Variants in LMNTD1 observed in about 807,000 individuals in gnomAD.
LMNTD1 encodes the protein lamin tail domain containing 1, also known as lamin tail domain-containing protein 1.
In LMNTD1, 35 loss-of-function variants were observed where a neutral mutation model predicts 50.9. That is an observed-to-expected ratio of 0.69 (90% CI 0.53 to 0.91). LMNTD1 has a LOEUF of 0.91. Among genes scored for constraint, LMNTD1 ranks in the 40% least tolerant of loss-of-function variants. The pLI is 0.00. For synonymous variants in LMNTD1, 153 were observed against 161.9 expected, an observed-to-expected ratio of 0.94 and a Z score of 0.42; for missense variants, 470 against 475.5, an observed-to-expected ratio of 0.99 and a Z score of 0.11.
chr12:25,491,622 G>A lies in LMNTD1; in HGVS notation c.*22+12116C>T, dbSNP rs1374203603. Among the ~76,000 whole-genome samples, 4 of 152,244 alleles carry A rather than the reference G, an allele frequency of 2.6e-5. No individual in the cohort carries two copies. In the East Asian group the frequency reaches 7.7e-4, roughly 29 times the overall value. ...AGGCAATGTGGGCTGGACACATACA[G>A]TCTTGTGTAGAAAGTAGTTTGGTGC... is the stretch of plus-strand genomic sequence containing the variant. On this transcript the variant is annotated intron_variant, in intron 9 of 9. Transcript: ENST00000458174.
At chr12:25,605,499 T>C (rs372912374) in intron 1 of LMNTD1, among the ~76,000 whole-genome samples, 5 of 152,198 alleles carry the variant, frequency 3.3e-5, no homozygotes, top group East Asian at 1.9e-4. Flanking sequence ...GTCTTTAATC[T>C]ATCTTGAATT....
At chr12:25,595,564 G>A (rs1161714970) in intron 1 of LMNTD1, among the ~76,000 whole-genome samples, 1 of 152,054 alleles carries the variant, frequency 6.6e-6, no homozygotes, top group Non-Finnish European at 1.5e-5. Context: ...CAAAATCTCT[G>A]GGATACAGCA....
intron 1 of LMNTD1, among the ~76,000 whole-genome samples, chr12:25,579,230 T>A (rs886363404): frequency 2.0e-5 from 3 of 152,174 alleles, no homozygotes; most frequent in African/African-American, 4.8e-5. Flanking sequence ...AAATATATAT[T>A]TTTTAAAATG....
intron 9 of LMNTD1, among the ~76,000 whole-genome samples, chr12:25,493,914 G>A (rs887885859): frequency 1.9e-4 from 29 of 152,212 alleles, no homozygotes; most frequent in Admixed American, 1.2e-3. Context: ...CTCACCCTTG[G>A]AACTTAGGGA....
At chr12:25,545,909 C>T (rs1326510015) in intron 4 of LMNTD1, among the ~76,000 whole-genome samples, 1 of 151,550 alleles carries the variant, frequency 6.6e-6, no homozygotes, top group Non-Finnish European at 1.5e-5. Context: ...ATGAATTGAT[C>T]ATAACTCTTT....
intron 1 of LMNTD1, among the ~76,000 whole-genome samples, chr12:25,645,610 A>G (rs936658057): frequency 3.8e-4 from 58 of 152,192 alleles, no homozygotes; most frequent in African/African-American, 1.4e-3. Flanking sequence ...CAGTGATACC[A>G]TGGTAAAATG....
chr12:25,541,083 A>T (rs1164002953), intron 4 of LMNTD1, among the ~76,000 whole-genome samples: 3 of 91,536 alleles, frequency 3.3e-5, no homozygotes, highest in African/African-American at 9.6e-5. Context: ...AAGAGGATAC[A>T]AACAAATGGA....
upstream of LMNTD1, chr12:25,557,378 AAAC>A (rs1304075795): frequency 6.6e-6 from 1 of 152,214 alleles, no homozygotes; most frequent in Non-Finnish European, 1.5e-5. Context: ...TCCTGTTGAA[AAAC>A]AACACTAAGG....
intron 9 of LMNTD1, among the ~76,000 whole-genome samples, chr12:25,481,587 G>A (rs959968576): frequency 2.0e-5 from 3 of 151,904 alleles, no homozygotes; most frequent in African/African-American, 7.3e-5. Context: ...CACTAATGCT[G>A]CCATATTTTG....
chr12:25,628,110 A>G (rs997200462), intron 1 of LMNTD1, among the ~76,000 whole-genome samples: 5 of 10,596 alleles, frequency 4.7e-4, no homozygotes, highest in African/African-American at 1.3e-3. Flanking sequence ...TCCGTCTCAA[A>G]AAAAAAAAAA....
At chr12:25,519,542 G>T (rs279008) in intron 7 of LMNTD1, among the ~76,000 whole-genome samples, 1 of 144,236 alleles carries the variant, frequency 6.9e-6, no homozygotes, top group Non-Finnish European at 1.5e-5. Context: ...GAGCCGAGAT[G>T]GCGCCACTGC....
intron 1 of LMNTD1, among the ~76,000 whole-genome samples, chr12:25,637,863 A>G (rs1465481033): frequency 1.3e-5 from 2 of 152,086 alleles, no homozygotes; most frequent in Non-Finnish European, 2.9e-5. Flanking sequence ...AATCAAAACC[A>G]TATTAAGAAG....
chr12:25,569,171 C>T (rs1269376471), intron 1 of LMNTD1, among the ~76,000 whole-genome samples: 6 of 151,926 alleles, frequency 3.9e-5, no homozygotes, highest in African/African-American at 1.5e-4. Flanking sequence ...CAGAGCTGCC[C>T]AAGGCCTTAG....
intron 1 of LMNTD1, among the ~76,000 whole-genome samples, chr12:25,583,014 A>T (rs1347746125): frequency 7.4e-6 from 1 of 135,436 alleles, no homozygotes; most frequent in Non-Finnish European, 1.6e-5. Flanking sequence ...TGCCTGGATA[A>T]TTTTTTTTTT....
intron 1 of LMNTD1, among the ~76,000 whole-genome samples, chr12:25,576,164 T>C (rs1199705951): frequency 1.3e-5 from 2 of 152,214 alleles, no homozygotes; most frequent in African/African-American, 4.8e-5. Context: ...TGTGCATGTG[T>C]CTTTATAGCA....
chr12:25,525,860 A>T (rs182783976), intron 6 of LMNTD1, among the ~76,000 whole-genome samples: 24 of 152,268 alleles, frequency 1.6e-4, no homozygotes, highest in Admixed American at 1.2e-3. Flanking sequence ...CTTCCATTTG[A>T]CAACATGGTT....
chr12:25,513,504 C>T (rs1169422128), intron 8 of LMNTD1, among the ~76,000 whole-genome samples: 1 of 152,044 alleles, frequency 6.6e-6, no homozygotes, highest in Admixed American at 6.6e-5. Flanking sequence ...GGTGTGGTGG[C>T]GTACACCTGT....
chr12:25,597,153 C>CA (rs1178606919), intron 1 of LMNTD1, among the ~76,000 whole-genome samples: 1 of 151,764 alleles, frequency 6.6e-6, no homozygotes, highest in African/African-American at 2.4e-5. Flanking sequence ...AAAAAGACCA[C>CA]AAAAAAACCC....
At chr12:25,601,355 C>T (rs985164666) in intron 1 of LMNTD1, among the ~76,000 whole-genome samples, 50 of 150,424 alleles carry the variant, frequency 3.3e-4, no homozygotes, top group African/African-American at 1.1e-3. Context: ...AATGGGTGAA[C>T]AAAAAAATAG....
Sources: gnomAD v4.1 joint callset for allele counts (sites outside exome capture counted in the v4.1 genomes callset) on GRCh38, gnomAD v4.1.1 for gene constraint, MANE v1.5 for transcripts, NCBI Gene and HGNC (gene_info 2026-07-23, HGNC 2026-07-21) for gene names.